The following MCC variants were observed in gnomAD, a reference collection of about 807,000 sequenced individuals.
MCC encodes the protein MCC regulator of Wnt signaling pathway, also known as colorectal mutant cancer protein.
A neutral mutation model predicts 116.2 loss-of-function variants in MCC; 90 were observed. That is an observed-to-expected ratio of 0.77 (90% CI 0.65 to 0.92). The LOEUF (loss-of-function observed/expected upper bound fraction) is 0.92. Among genes scored for constraint, MCC ranks in the 40% least tolerant of loss-of-function variants. The pLI, the probability that MCC is intolerant of heterozygous loss-of-function variation, is 0.00. For synonymous variants in MCC, 578 were observed against 510.5 expected (o/e 1.13, Z -1.78); for missense variants, 1,516 against 1,312.2 (o/e 1.16, Z -2.40).
In MCC at chr5:113,252,100, G is replaced by A. The variant is rs536676340; in HGVS notation, c.627+88419C>T. ...CCCTATTCCTCCATTTATCCCTGACGTCCTGCCAACACCTAACCAGTGGCT... is the reference window on the plus strand; with the variant it reads ...CCCTATTCCTCCATTTATCCCTGACATCCTGCCAACACCTAACCAGTGGCT... On this transcript the variant is annotated intron_variant, in intron 3 of 18. Coordinates refer to ENST00000408903, the MANE Select transcript of MCC (RefSeq NM_001085377.2). Among the ~76,000 whole-genome samples, 11 of 152,128 alleles carry A rather than the reference G, an allele frequency of 7.2e-5. No individual in the cohort carries two copies. The South Asian group carries it at 1.2e-3, about 17-fold the overall frequency.
chr5:113,257,453 TGAA>T (rs1765058445), intron 3 of MCC, among the ~76,000 whole-genome samples: 1 of 151,906 alleles, frequency 6.6e-6, no homozygotes, highest in Non-Finnish European at 1.5e-5. Context: ...AAAGCCAAGG[TGAA>T]GAAGAGGGAG....
rs572563914 is a variant in MCC, at chr5:113,480,439, T to G, written c.170+7806A>C. Among the ~76,000 whole-genome samples, 6 of 152,362 alleles carry G rather than the reference T, an allele frequency of 3.9e-5. No homozygotes were observed. In the South Asian group the frequency reaches 1.0e-3, roughly 26 times the overall value. ...GTGAAATCTGAATGTTTCTTAAAAT[T>G]TATTGGCCTTGTGCCAACACAGTTA... On this transcript the variant is annotated intron_variant, in intron 1 of 18. Coordinates refer to ENST00000408903, the MANE Select transcript of MCC (RefSeq NM_001085377.2).
chr5:113,058,956 C>T (rs1182540052), intron 14 of MCC, among the ~76,000 whole-genome samples: 2 of 152,158 alleles, frequency 1.3e-5, no homozygotes, highest in African/African-American at 4.8e-5. Flanking sequence ...ATCCCTCCAT[C>T]CCAGGGAGAA....
intron 3 of MCC, among the ~76,000 whole-genome samples, chr5:113,304,637 G>C (rs557552767): frequency 1.3e-5 from 2 of 152,142 alleles, no homozygotes; most frequent in Non-Finnish European, 2.9e-5. Context: ...CTGTGTCATT[G>C]TCAATATTCA....
At chr5:113,444,922 G>C (rs1381057067) in intron 1 of MCC, among the ~76,000 whole-genome samples, 1 of 152,196 alleles carries the variant, frequency 6.6e-6, no homozygotes, top group Non-Finnish European at 1.5e-5. Context: ...TATTCCTCTA[G>C]ATGAGAAAAG....
At chr5:113,116,114 C>T (rs1196346646) in intron 6 of MCC, among the ~76,000 whole-genome samples, 1 of 152,176 alleles carries the variant, frequency 6.6e-6, no homozygotes, top group East Asian at 1.9e-4. Context: ...AGCTCCAGAT[C>T]CCCTTTAGAT....
intron 2 of MCC, 27 bp from the exon 3 acceptor site, chr5:113,340,757 GAA>G (rs1346417338): frequency 1.9e-6 from 3 of 1,598,592 alleles, no homozygotes; most frequent in African/African-American, 2.7e-5. Context: ...CAGAGAAAAT[GAA>G]AAGACATTTC....
intron 3 of MCC, among the ~76,000 whole-genome samples, chr5:113,262,848 C>T (rs1228067709): frequency 6.6e-6 from 1 of 152,006 alleles, no homozygotes; most frequent in Non-Finnish European, 1.5e-5. Flanking sequence ...TCAGGTGATG[C>T]TGATACTGCT....
At chr5:113,111,663 A>G (rs563525151) in intron 6 of MCC, among the ~76,000 whole-genome samples, 33 of 152,342 alleles carry the variant, frequency 2.2e-4, no homozygotes, top group Non-Finnish European at 4.0e-4. Flanking sequence ...CACTACAGGA[A>G]CTTAACTCTT....
chr5:113,474,666 A>G (rs1158717945), intron 1 of MCC, among the ~76,000 whole-genome samples: 1 of 152,228 alleles, frequency 6.6e-6, no homozygotes, highest in Admixed American at 6.5e-5. Flanking sequence ...GGAGGGGGCA[A>G]GCCTGCAGAT....
At chr5:113,229,159 C>A (rs1763851398) in intron 3 of MCC, among the ~76,000 whole-genome samples, 1 of 152,042 alleles carries the variant, frequency 6.6e-6, no homozygotes, top group Admixed American at 6.6e-5. Flanking sequence ...TAGGACATCC[C>A]AACATGGCGG....
intron 2 of MCC, among the ~76,000 whole-genome samples, chr5:113,348,000 G>T (rs370789625): frequency 1.2e-4 from 19 of 152,036 alleles, no homozygotes; most frequent in African/African-American, 3.9e-4. Flanking sequence ...AATGATAAAG[G>T]GGTCAATTCA....
At chr5:113,306,044 C>G (rs1391535235) in intron 3 of MCC, among the ~76,000 whole-genome samples, 2 of 152,156 alleles carry the variant, frequency 1.3e-5, no homozygotes, top group African/African-American at 2.4e-5. Flanking sequence ...TTCACTTAGC[C>G]TGTTTTCAAG....
chr5:113,287,903 T>G (rs377265401), intron 3 of MCC, among the ~76,000 whole-genome samples: 6 of 152,248 alleles, frequency 3.9e-5, no homozygotes, highest in African/African-American at 1.4e-4. Context: ...AGCTTCCCAA[T>G]TGGTCAAAGC....
intron 3 of MCC, among the ~76,000 whole-genome samples, chr5:113,230,394 T>C (rs1318099811): frequency 6.6e-6 from 1 of 152,182 alleles, no homozygotes; most frequent in Non-Finnish European, 1.5e-5. Flanking sequence ...CATCAATGTG[T>C]TTTCAGAAAC....
chr5:113,070,995 A>T, intron 12 of MCC, 99 bp downstream of exon 12: 1 of 1,401,752 alleles, frequency 7.1e-7, no homozygotes, highest in East Asian at 2.3e-5. Flanking sequence ...AAACTGCCAG[A>T]TATGCCTTCT....
intron 3 of MCC, among the ~76,000 whole-genome samples, chr5:113,296,635 A>AG (rs1766719331): frequency 6.6e-6 from 1 of 152,146 alleles, no homozygotes; most frequent in African/African-American, 2.4e-5. Context: ...TGGGTGAGAA[A>AG]GGGGGGTTGG....
At chr5:113,426,451 T>C (rs1770486176) in intron 1 of MCC, among the ~76,000 whole-genome samples, 2 of 152,170 alleles carry the variant, frequency 1.3e-5, no homozygotes, top group Non-Finnish European at 2.9e-5. Flanking sequence ...CACAATGTAA[T>C]AGTATGCAGC....
In MCC at chr5:113,361,640, A is replaced by G. The variant is rs192222580; in HGVS notation, c.416-20910T>C. On this transcript the variant is annotated intron_variant, in intron 2 of 18. Transcript: ENST00000408903. Reference sequence around the variant, plus strand: ...AGCTGGTAAAACATTATTTCCAGGTATGCCTGTGAGGGTATTTCCAGAAGA... The same window carrying G: ...AGCTGGTAAAACATTATTTCCAGGTGTGCCTGTGAGGGTATTTCCAGAAGA... Among the ~76,000 whole-genome samples the G allele has an allele frequency of 2.0e-4, 31 of 152,348 alleles. No homozygotes were observed. In the East Asian group the frequency reaches 6.0e-3, roughly 29 times the overall value.
Sources: gnomAD v4.1 joint callset for allele counts (sites outside exome capture counted in the v4.1 genomes callset) on GRCh38, gnomAD v4.1.1 for gene constraint, MANE v1.5 for transcripts, NCBI Gene and HGNC (gene_info 2026-07-23, HGNC 2026-07-21) for gene names.